DGKG: variants seen among roughly 807,000 people sequenced by gnomAD.
The protein encoded by DGKG is diacylglycerol kinase gamma.
In DGKG, 78 loss-of-function variants were observed where a neutral mutation model predicts 105.3. The ratio of observed to expected loss-of-function variants is 0.74; its 90% CI spans 0.62 to 0.89. The LOEUF (loss-of-function observed/expected upper bound fraction) is 0.89. Among genes scored for constraint, DGKG ranks in the 40% least tolerant of loss-of-function variants. The pLI is 0.00. For synonymous variants in DGKG, 346 were observed against 367.1 expected (o/e 0.94, Z 0.66); for missense variants, 958 against 1,020.1 (o/e 0.94, Z 0.83).
chr3:186,198,565 C>T (rs1718294727), intron 21 of DGKG, among the ~76,000 whole-genome samples: 1 of 152,222 alleles, frequency 6.6e-6, no homozygotes. Context: ...TGCTTAACAG[C>T]AGACTCCCTT....
chr3:186,358,102 A>G (rs975304251), intron 1 of DGKG, among the ~76,000 whole-genome samples: 2 of 152,270 alleles, frequency 1.3e-5, no homozygotes, highest in Admixed American at 1.3e-4. Flanking sequence ...TAAAGCATCC[A>G]GTACAGGACC....
intron 1 of DGKG, among the ~76,000 whole-genome samples, chr3:186,321,143 C>T (rs962418467): frequency 2.2e-4 from 33 of 152,192 alleles, no homozygotes; most frequent in African/African-American, 7.5e-4. Context: ...TGGCTAACAT[C>T]TAGTGACTGA....
chr3:186,291,127 T>C (rs1723294133), intron 5 of DGKG, among the ~76,000 whole-genome samples: 1 of 152,226 alleles, frequency 6.6e-6, no homozygotes, highest in African/African-American at 2.4e-5. Flanking sequence ...GCTCAGGACT[T>C]TGTAGGAATG....
chr3:186,316,393 G>A lies in DGKG; in HGVS notation c.67+4000C>T, dbSNP rs537427570. ...GTGTATGTTGTATATGTGTATATAT[G>A]TATATGTGCTTGCATATTTTGATAT... is the stretch of plus-strand genomic sequence containing the variant. On this transcript the variant is annotated intron_variant, in intron 2 of 24. Transcript: ENST00000265022. 5.9e-4 allele frequency among the ~76,000 whole-genome samples: 90 copies of A among 152,316 alleles called. 2 individuals carry two copies. In the South Asian group the frequency reaches 0.017, roughly 28 times the overall value.
At chr3:186,248,693 A>G (rs1721063584) in intron 19 of DGKG, among the ~76,000 whole-genome samples, 1 of 152,182 alleles carries the variant, frequency 6.6e-6, no homozygotes, top group African/African-American at 2.4e-5. Context: ...CTTTCAAACC[A>G]TGTTACATTT....
At chr3:186,221,403 C>T (rs1578684330) in intron 20 of DGKG, among the ~76,000 whole-genome samples, 1 of 152,328 alleles carries the variant, frequency 6.6e-6, no homozygotes, top group African/African-American at 2.4e-5. Flanking sequence ...AATCCTTTCT[C>T]CCTTTGAAGA....
chr3:186,148,876 C>A lies in DGKG; in HGVS notation c.*1214G>T, dbSNP rs747031586. The A allele has an allele frequency of 5.1e-6, 5 of 984,098 alleles. No individual in the cohort carries two copies. The highest frequency in any genetic ancestry group is 6.0e-6 in the Non-Finnish European group (5 of 829,492). 61.0% of individuals were successfully genotyped at this position (984,098 alleles called of 1,614,324 possible). On this transcript the variant is annotated 3_prime_UTR_variant, in exon 25 of 25. Coordinates refer to ENST00000265022, the MANE Select transcript of DGKG (RefSeq NM_001346.3). ...AACGGTGGAGTGGGGGAGTGAGAAC[C>A]TTCTTTTTCCTTACCACTTTCTGTC...
intron 3 of DGKG, among the ~76,000 whole-genome samples, chr3:186,299,767 C>CTT (rs1291713917): frequency 0.019 from 1,782 of 95,580 alleles, 171 homozygotes; most frequent in African/African-American, 0.068. Context: ...TTCTTCTTTT[C>CTT]TCTTTCTTTC....
intron 1 of DGKG, among the ~76,000 whole-genome samples, chr3:186,360,112 C>T (rs1365253132): frequency 2.0e-5 from 3 of 152,010 alleles, no homozygotes; most frequent in East Asian, 3.9e-4. Context: ...TGGGAGTGTC[C>T]GGGTTGGAGG....
chr3:186,222,093 C>G (rs1185425614), intron 20 of DGKG, among the ~76,000 whole-genome samples: 1 of 152,206 alleles, frequency 6.6e-6, no homozygotes, highest in Non-Finnish European at 1.5e-5. Flanking sequence ...AAACCTACAG[C>G]TAGACTGGAA....
At chr3:186,319,080 A>G (rs1181725237) in intron 2 of DGKG, among the ~76,000 whole-genome samples, 1 of 152,142 alleles carries the variant, frequency 6.6e-6, no homozygotes, top group Non-Finnish European at 1.5e-5. Context: ...CTACAGAGCT[A>G]GCTGAATTAA....
chr3:186,268,881 C>A lies in DGKG; in HGVS notation c.1036G>T (p.Val346Phe). ...CTTTTGTGGCACCGGTCACACTTGACGGAGGAGTTCCCTTCCACCCATGCG... is the reference window on the plus strand; with the variant it reads ...CTTTTGTGGCACCGGTCACACTTGAAGGAGGAGTTCCCTTCCACCCATGCG... ...QHAWVEGNSS[V>F]KCDRCHKSIK... Residue 346 changes from valine (V) to phenylalanine (F), a missense_variant, in exon 12 of 25, where the codon GTC becomes TTC. Around this residue, in one of 2 missense-constraint regions of DGKG, gnomAD observed 643 missense variants for 619.5 expected, o/e 1.04. Transcript: ENST00000265022. 5 of 1,613,990 alleles carry A rather than the reference C, an allele frequency of 3.1e-6. No individual in the cohort carries two copies. The highest frequency in any genetic ancestry group is 4.2e-6 in the Non-Finnish European group (5 of 1,180,000).
chr3:186,255,975 T>C (rs528296522), intron 17 of DGKG, among the ~76,000 whole-genome samples: 2 of 152,240 alleles, frequency 1.3e-5, no homozygotes, highest in Non-Finnish European at 2.9e-5. Context: ...CTTTCTGTTT[T>C]GAGCAGCTTC....
chr3:186,291,569 G>A (rs1250690075), intron 5 of DGKG, among the ~76,000 whole-genome samples: 1 of 152,134 alleles, frequency 6.6e-6, no homozygotes, highest in Non-Finnish European at 1.5e-5. Context: ...ACTAAAATAT[G>A]TGAACTATTG....
At chr3:186,260,374 G>A (rs1721707093) in intron 16 of DGKG, 65 bp downstream of exon 16, 3 of 1,146,372 alleles carry the variant, frequency 2.6e-6, no homozygotes, top group Non-Finnish European at 3.9e-6. Context: ...TGACAAAAGA[G>A]GCATCTTCAT....
At chr3:186,272,202 A>T in intron 11 of DGKG, 53 bp downstream of exon 11, 1 of 1,376,104 alleles carries the variant, frequency 7.3e-7, no homozygotes, top group East Asian at 2.3e-5. Context: ...ATGTTGATGG[A>T]CATGTTTCCT....
chr3:186,272,170 G>T, intron 11 of DGKG, 85 bp downstream of exon 11: 1 of 1,042,478 alleles, frequency 9.6e-7, no homozygotes, highest in East Asian at 2.4e-5. Context: ...AGCTCCCAGT[G>T]CCCCTTCCTG....
At chr3:186,328,654 C>A (rs1323970779) in intron 1 of DGKG, among the ~76,000 whole-genome samples, 1 of 151,298 alleles carries the variant, frequency 6.6e-6, no homozygotes. Flanking sequence ...CAGCTCACTG[C>A]AACCTCCACC....
chr3:186,161,566 G>A (rs1716292731), intron 24 of DGKG, 37 bp downstream of exon 24: 1 of 1,613,722 alleles, frequency 6.2e-7, no homozygotes, highest in South Asian at 1.1e-5. Flanking sequence ...CAAAAATAAG[G>A]CTTCTCATCC....
Sources: allele counts gnomAD v4.1 joint callset (sites outside exome capture counted in the v4.1 genomes callset), GRCh38; gene constraint gnomAD v4.1.1; regional missense constraint gnomAD v4.1.1; transcripts MANE v1.5; gene names NCBI Gene and HGNC (gene_info 2026-07-23, HGNC 2026-07-21).